ARL3: variants seen among roughly 807,000 people sequenced by gnomAD.
The protein encoded by ARL3 is ADP-ribosylation factor-like protein 3.
Under a neutral mutation model 26.0 loss-of-function variants are expected in ARL3, and 9 were observed. The observed-to-expected ratio is 0.35, with a 90% CI of 0.21 to 0.60. ARL3 has a LOEUF of 0.60. Ranked by LOEUF, ARL3 falls within the 20% of genes least tolerant of loss-of-function variation. ARL3 has a pLI of 0.78. For missense variants in ARL3, 158 were observed against 215.7 expected, an observed-to-expected ratio of 0.73 and a Z score of 1.67; for synonymous variants, 71 against 78.4, an observed-to-expected ratio of 0.91 and a Z score of 0.50.
chr10:102,698,063 T>C (rs941334631), intron 3 of ARL3, among the ~76,000 whole-genome samples: 5 of 151,192 alleles, frequency 3.3e-5, no homozygotes, highest in African/African-American at 9.7e-5. Context: ...TCAGGAGGAG[T>C]TTTCTGGGGC....
intron 5 of ARL3, among the ~76,000 whole-genome samples, chr10:102,678,905 G>A (rs943270526): frequency 2.0e-5 from 3 of 152,236 alleles, no homozygotes; most frequent in Non-Finnish European, 4.4e-5. Flanking sequence ...GCCAGCAGTG[G>A]TGAAGCCCTT....
rs1554864095 is a variant in ARL3 at position 102,708,908 on chromosome 10, A to ATTT, written c.4-3422_4-3420dup. 5.2e-3 allele frequency among the ~76,000 whole-genome samples: 494 copies of ATTT among 95,326 alleles called. 4 individuals are homozygous for ATTT. Among genetic ancestry groups the ATTT allele is most frequent in the South Asian group, 0.041 (111 of 2,712 alleles). The allele number at this position is 95,326 out of a possible 152,430, so 62.5% of individuals were successfully genotyped here. On this transcript the variant is annotated intron_variant, in intron 1 of 5. Transcript: ENST00000260746. ...ATATTATATATATATATATATATAT[A>ATTT]TTTTTTTTTTTTTTGAGACAAGGTC...
chr10:102,675,275 T>C lies in ARL3; in HGVS notation c.*1619A>G, dbSNP rs2064124356. ...CAACTCTGGGGCACCTTTTCACGGC[T>C]GGCTTTGTTAATGACTTTCATGTCA... On this transcript the variant is annotated 3_prime_UTR_variant, in exon 6 of 6. Transcript: ENST00000260746. The C allele has an allele frequency of 6.6e-6, 1 of 152,316 alleles. No homozygotes were observed. Among genetic ancestry groups the C allele is most frequent in the East Asian group, 1.9e-4 (1 of 5,196 alleles). The allele number at this position is 152,316 out of a possible 1,614,324, so 9.4% of individuals were successfully genotyped here. A position where few individuals can be genotyped will look rare whatever the true frequency, so the allele number is the denominator to read the frequency against.
In ARL3 at chr10:102,676,851, G is replaced by A. The variant is rs112537748; in HGVS notation, c.*43C>T. 3.0e-3 allele frequency: 4,844 copies of A among 1,604,374 alleles called. 12 individuals carry two copies. Among genetic ancestry groups the A allele is most frequent in the Non-Finnish European group, 3.7e-3 (4,371 of 1,172,080 alleles). ...CAGCAAATTAGTGTTTTTCAGGACCGAATTCGGCTCCCGCAGCTCCTGCAT... is the reference window on the plus strand; with the variant it reads ...CAGCAAATTAGTGTTTTTCAGGACCAAATTCGGCTCCCGCAGCTCCTGCAT... On this transcript the variant is annotated 3_prime_UTR_variant, in exon 6 of 6. Coordinates refer to ENST00000260746, the MANE Select transcript of ARL3 (RefSeq NM_004311.4).
intron 4 of ARL3, among the ~76,000 whole-genome samples, chr10:102,686,338 C>T (rs1317687922): frequency 6.6e-6 from 1 of 151,740 alleles, no homozygotes; most frequent in Non-Finnish European, 1.5e-5. Flanking sequence ...TCCCAAAGTG[C>T]TGGGATTACA....
At chr10:102,695,960 C>A (rs756492104) in intron 3 of ARL3, among the ~76,000 whole-genome samples, 1 of 151,600 alleles carries the variant, frequency 6.6e-6, no homozygotes, top group Admixed American at 6.6e-5. Context: ...CCACCATGCC[C>A]GGCCTTATTT....
At position 102,714,261 on chromosome 10, in the gene ARL3, C is replaced by A; in HGVS notation, c.3+12G>T. ...CGGCCGGCTCCAAGGGGGCCCAGGC[C>A]CCCACACTCACCATCCTCCCGCCGA... is the stretch of plus-strand genomic sequence containing the variant. On this transcript the variant is annotated intron_variant, in intron 1 of 5. Transcript: ENST00000260746. The A allele has an allele frequency of 2.3e-6, 3 of 1,313,872 alleles. No individual in the cohort carries two copies. Among genetic ancestry groups the A allele is most frequent in the Non-Finnish European group, 2.9e-6 (3 of 1,022,768 alleles). The allele number at this position is 1,313,872 out of a possible 1,614,324, so 81.4% of individuals were successfully genotyped here. A position where few individuals can be genotyped will look rare whatever the true frequency, so the allele number is the denominator to read the frequency against.
intron 1 of ARL3, among the ~76,000 whole-genome samples, chr10:102,710,427 A>T (rs1204626660): frequency 6.6e-6 from 1 of 152,248 alleles, no homozygotes; most frequent in Non-Finnish European, 1.5e-5. Flanking sequence ...TATTCTGTGC[A>T]TCTATACATA....
intron 1 of ARL3, among the ~76,000 whole-genome samples, chr10:102,708,754 G>A (rs2064322321): frequency 6.6e-6 from 1 of 151,722 alleles, no homozygotes; most frequent in South Asian, 2.1e-4. Context: ...TACTTGGGAA[G>A]CTGAGGCAGG....
At chr10:102,707,462 G>T (rs1483760436) in intron 1 of ARL3, among the ~76,000 whole-genome samples, 1 of 152,136 alleles carries the variant, frequency 6.6e-6, no homozygotes, top group Non-Finnish European at 1.5e-5. Flanking sequence ...AAGAGTCAAA[G>T]AATCCCAGAG....
chr10:102,696,216 G>A (rs932273144), intron 3 of ARL3, among the ~76,000 whole-genome samples: 4 of 151,198 alleles, frequency 2.6e-5, no homozygotes, highest in South Asian at 2.1e-4. Context: ...CACCCACCTC[G>A]GCCTCCCAAA....
chr10:102,699,852 AC>A (rs1286135899), intron 2 of ARL3, among the ~76,000 whole-genome samples: 2 of 152,252 alleles, frequency 1.3e-5, no homozygotes, highest in Non-Finnish European at 2.9e-5. Flanking sequence ...ATTTCATGTA[AC>A]TAACAACAAA....
intron 3 of ARL3, among the ~76,000 whole-genome samples, chr10:102,695,798 T>C (rs1411072885): frequency 6.6e-6 from 1 of 152,152 alleles, no homozygotes; most frequent in Non-Finnish European, 1.5e-5. Flanking sequence ...ATTACAGGAA[T>C]GAGCCATCGC....
chr10:102,699,607 T>C, intron 2 of ARL3, 118 bp from the exon 3 acceptor site: 1 of 606,920 alleles, frequency 1.6e-6, no homozygotes, highest in South Asian at 2.0e-5. Flanking sequence ...TATGTGATAC[T>C]GGTAATGCTG....
chr10:102,699,216 T>C (rs1267423777), intron 3 of ARL3, among the ~76,000 whole-genome samples, 157 bp downstream of exon 3: 2 of 152,224 alleles, frequency 1.3e-5, no homozygotes, highest in Non-Finnish European at 1.5e-5. Flanking sequence ...AAAGATGTTT[T>C]TCCTTTATAA....
chr10:102,679,415 A>G (rs1205780317), intron 5 of ARL3, among the ~76,000 whole-genome samples: 1 of 152,242 alleles, frequency 6.6e-6, no homozygotes, highest in African/African-American at 2.4e-5. Context: ...TCCTTGTAGA[A>G]GCCTGCAAAG....
At chr10:102,701,754 G>C (rs1468241203) in intron 2 of ARL3, among the ~76,000 whole-genome samples, 1 of 152,132 alleles carries the variant, frequency 6.6e-6, no homozygotes, top group Non-Finnish European at 1.5e-5. Flanking sequence ...ACAGCTATAA[G>C]TCATGAGACC....
chr10:102,689,548 T>C (rs1590122051), intron 4 of ARL3, among the ~76,000 whole-genome samples: 1 of 151,898 alleles, frequency 6.6e-6, no homozygotes, highest in South Asian at 2.1e-4. Context: ...AAAAATATAC[T>C]AGGCTGGGCG....
rs573331441 is a variant in ARL3 at position 102,691,220 on chromosome 10, C to T, written c.265-1277G>A. Among the ~76,000 whole-genome samples the T allele has an allele frequency of 1.8e-4, 28 of 151,786 alleles. No individual in the cohort carries two copies. In the South Asian group the frequency reaches 1.9e-3, roughly 10 times the overall value. On this transcript the variant is annotated intron_variant, in intron 3 of 5. Transcript: ENST00000260746. ...ATGTGCCATGCTGGTGCGCTGCACC[C>T]ACTAACTCGTCATCTAGCATTAGGT... is the stretch of plus-strand genomic sequence containing the variant.
Sources: allele counts gnomAD v4.1 joint callset (sites outside exome capture counted in the v4.1 genomes callset), GRCh38; gene constraint gnomAD v4.1.1; transcripts MANE v1.5; gene names NCBI Gene and HGNC (gene_info 2026-07-23, HGNC 2026-07-21).